The following HOPX variants were observed in gnomAD, a reference collection of about 807,000 sequenced individuals.
HOPX encodes the protein HOP homeobox.
Under a neutral mutation model 11.8 loss-of-function variants are expected in HOPX, and 5 were observed. That is an observed-to-expected ratio of 0.43 (90% CI 0.22 to 0.89). The LOEUF (loss-of-function observed/expected upper bound fraction) is 0.89. HOPX is among the 40% of genes least tolerant of loss of function. HOPX has a pLI of 0.28. For synonymous variants in HOPX, 49 were observed against 49.7 expected, an observed-to-expected ratio of 0.99 and a Z score of 0.06; for missense variants, 119 against 120.0, an observed-to-expected ratio of 0.99 and a Z score of 0.04.
At chr4:56,669,979 CA>C (rs1718651521) in intron 1 of HOPX, among the ~76,000 whole-genome samples, 3 of 152,056 alleles carry the variant, frequency 2.0e-5, no homozygotes, top group Admixed American at 2.0e-4. Flanking sequence ...TGGTTAAAGG[CA>C]AGAGGAAAAT....
chr4:56,669,678 TA>T, intron 1 of HOPX, among the ~76,000 whole-genome samples: 1 of 148,308 alleles, frequency 6.7e-6, no homozygotes, highest in Non-Finnish European at 1.5e-5. Flanking sequence ...ATAATAATAA[TA>T]ATAATAATAA....
chr4:56,650,452 T>C (rs915719748), intron 3 of HOPX: 8 of 498,150 alleles, frequency 1.6e-5, no homozygotes, highest in Middle Eastern at 1.0e-3. Context: ...GGGAATTCAG[T>C]ATATAAGCCC....
At chr4:56,674,206 G>C (rs1484364929) in intron 1 of HOPX, among the ~76,000 whole-genome samples, 1 of 151,496 alleles carries the variant, frequency 6.6e-6, no homozygotes, top group South Asian at 2.1e-4. Context: ...CCAGGAAGAG[G>C]GTAAGGCATA....
intron 1 of HOPX, among the ~76,000 whole-genome samples, chr4:56,661,616 ACG>A (rs1193164765): frequency 1.3e-5 from 2 of 152,254 alleles, no homozygotes; most frequent in African/African-American, 4.8e-5. Context: ...CAACACTTGT[ACG>A]GTCAAACCTA....
chr4:56,668,010 C>A (rs556462146), intron 1 of HOPX, among the ~76,000 whole-genome samples: 1 of 152,100 alleles, frequency 6.6e-6, no homozygotes, highest in African/African-American at 2.4e-5. Context: ...CTGCAACCTC[C>A]GCCTCCCAGT....
At chr4:56,658,133 C>T (rs1159816290) in intron 1 of HOPX, among the ~76,000 whole-genome samples, 4 of 152,160 alleles carry the variant, frequency 2.6e-5, no homozygotes, top group East Asian at 1.9e-4. Flanking sequence ...ATAGTTGTGC[C>T]GGCTCTTCCA....
chr4:56,660,103 A>C (rs554734529), intron 1 of HOPX, among the ~76,000 whole-genome samples: 2 of 152,226 alleles, frequency 1.3e-5, no homozygotes, highest in South Asian at 4.1e-4. Flanking sequence ...TGAAAGGAAA[A>C]CTCCTTCCAG....
intron 1 of HOPX, among the ~76,000 whole-genome samples, chr4:56,658,395 T>A (rs2109493516): frequency 6.6e-6 from 1 of 152,324 alleles, no homozygotes; most frequent in East Asian, 1.9e-4. Flanking sequence ...CTCCTTGGGT[T>A]AGTTGGCTGA....
chr4:56,668,740 T>G (rs1718575319), intron 1 of HOPX, among the ~76,000 whole-genome samples: 1 of 152,136 alleles, frequency 6.6e-6, no homozygotes. Context: ...AATGGATAAA[T>G]TATATGTAGG....
intron 1 of HOPX, 64 bp from the exon 2 acceptor site, chr4:56,657,963 T>C (rs2109491912): frequency 6.9e-7 from 1 of 1,456,382 alleles, no homozygotes; most frequent in South Asian, 1.3e-5. Context: ...CCATTTTGAA[T>C]GGGCATAGAC....
In HOPX at chr4:56,648,598, A is replaced by T. The variant is rs1716865563; in HGVS notation, c.*122T>A. 1.6e-6 allele frequency: 1 copy of T among 619,512 alleles called. No homozygotes were observed. The highest frequency in any genetic ancestry group is 2.9e-6 in the Non-Finnish European group (1 of 349,666). The allele number at this position is 619,512 out of a possible 1,614,324, so 38.4% of individuals were successfully genotyped here. A position where few individuals can be genotyped will look rare whatever the true frequency, so the allele number is the denominator to read the frequency against. ...AAAAAAATACAACACTGTGTTAAAC[A>T]GCAGGACAGCTAGCAATGGAACATA... is the stretch of plus-strand genomic sequence containing the variant. On this transcript the variant is annotated 3_prime_UTR_variant, in exon 4 of 4. Transcript: ENST00000420433.
chr4:56,680,325 C>G (rs1186370201), intron 1 of HOPX: 1 of 152,108 alleles, frequency 6.6e-6, no homozygotes, highest in Non-Finnish European at 1.5e-5. Context: ...TAATGCCCTG[C>G]TCTATTCCTA....
At chr4:56,656,279 T>C (rs1278930243) in intron 2 of HOPX, 2 of 1,155,100 alleles carry the variant, frequency 1.7e-6, no homozygotes, top group Non-Finnish European at 2.1e-6. Context: ...CCGGGACCCC[T>C]TGCAGGAACT....
intron 1 of HOPX, chr4:56,679,484 T>A (rs1719207120): frequency 6.6e-6 from 1 of 151,682 alleles, no homozygotes; most frequent in Non-Finnish European, 1.5e-5. Flanking sequence ...CTTTCTTTTT[T>A]TTTTTTTTCT....
chr4:56,650,780 C>A (rs1311740533), intron 3 of HOPX: 8 of 1,550,468 alleles, frequency 5.2e-6, no homozygotes, highest in Non-Finnish European at 8.7e-7. Context: ...TTTCTGGGTG[C>A]CATATTTTGC....
intron 1 of HOPX, 70 bp from the exon 2 acceptor site, chr4:56,657,969 T>C (rs1450042252): frequency 5.7e-6 from 8 of 1,397,116 alleles, no homozygotes; most frequent in East Asian, 2.5e-5. Flanking sequence ...TGAATGGGCA[T>C]AGACTGTCCT....
chr4:56,669,448 C>T (rs1718613730), intron 1 of HOPX, among the ~76,000 whole-genome samples: 1 of 152,108 alleles, frequency 6.6e-6, no homozygotes, highest in African/African-American at 2.4e-5. Context: ...CACCTGAGGT[C>T]AGGAGTTCAA....
intron 1 of HOPX, chr4:56,678,946 T>C (rs1346774989): frequency 3.3e-5 from 5 of 152,210 alleles, no homozygotes; most frequent in Admixed American, 3.3e-4. Context: ...TTTTTAGAAA[T>C]GCTTTTACTT....
At chr4:56,658,029 T>C (rs62309869) in intron 1 of HOPX, 130 bp from the exon 2 acceptor site, 69,149 of 667,978 alleles carry the variant, frequency 0.1, 5,802 homozygotes, top group African/African-American at 0.31. Context: ...CACCCACCAC[T>C]GCTTGCTTCG....
Sources: gnomAD v4.1 joint callset for allele counts (sites outside exome capture counted in the v4.1 genomes callset) on GRCh38, gnomAD v4.1.1 for gene constraint, MANE v1.5 for transcripts, NCBI Gene and HGNC (gene_info 2026-07-23, HGNC 2026-07-21) for gene names.